NAALADL2: variants seen among roughly 807,000 people sequenced by gnomAD.
The protein encoded by NAALADL2 is inactive N-acetylated-alpha-linked acidic dipeptidase-like protein 2.
NAALADL2 carries 76 observed loss-of-function variants against 87.2 expected under a neutral mutation model. The ratio of observed to expected loss-of-function variants is 0.87; its 90% CI spans 0.72 to 1.05. The LOEUF is 1.05. NAALADL2 is among the 50% of genes least tolerant of loss of function. The pLI is 0.00. For synonymous variants in NAALADL2, 354 were observed against 331.0 expected, an observed-to-expected ratio of 1.07 and a Z score of -0.75; for missense variants, 1,089 against 945.8, an observed-to-expected ratio of 1.15 and a Z score of -1.99.
chr3:174,768,146 T>C (rs1400056784), intron 3 of NAALADL2, among the ~76,000 whole-genome samples: 2 of 152,234 alleles, frequency 1.3e-5, no homozygotes, highest in Non-Finnish European at 2.9e-5. Flanking sequence ...TATAACTTAT[T>C]TACTTTAGTG....
chr3:174,807,332 G>A (rs113257380), intron 3 of NAALADL2, among the ~76,000 whole-genome samples: 5 of 152,092 alleles, frequency 3.3e-5, no homozygotes, highest in Admixed American at 1.3e-4. Flanking sequence ...AACTCTATTG[G>A]GTAGGACTTA....
In NAALADL2 at chr3:175,798,314, G is replaced by GA. The variant is rs34232706; in HGVS notation, c.2190-4685dup. On this transcript the variant is annotated intron_variant, in intron 13 of 13. Transcript: ENST00000454872. ...AATGAAGGTTTTTTTAAATGATGAT[G>GA]AAAAAATCTCAGTCACTTATATTCT... Among the ~76,000 whole-genome samples, 19 of 152,012 alleles carry GA rather than the reference G, an allele frequency of 1.2e-4. No homozygotes were observed. The South Asian group carries it at 1.5e-3, about 12-fold the overall frequency.
At chr3:175,649,936 G>A (rs1186344338) in intron 11 of NAALADL2, among the ~76,000 whole-genome samples, 6 of 150,820 alleles carry the variant, frequency 4.0e-5, no homozygotes, top group Admixed American at 3.3e-4. Context: ...ATATACTATG[G>A]TACAATATGG....
At chr3:174,958,457 G>A (rs1251962441) in intron 1 of NAALADL2, among the ~76,000 whole-genome samples, 1 of 151,960 alleles carries the variant, frequency 6.6e-6, no homozygotes, top group African/African-American at 2.4e-5. Flanking sequence ...AGAGAGTCCA[G>A]TGTTTGTTAC....
intron 11 of NAALADL2, among the ~76,000 whole-genome samples, chr3:175,685,207 C>A (rs971324725): frequency 6.6e-6 from 1 of 152,116 alleles, no homozygotes; most frequent in African/African-American, 2.4e-5. Context: ...AGTTCATCAA[C>A]CCTTTAGGCT....
intron 9 of NAALADL2, among the ~76,000 whole-genome samples, chr3:175,513,534 A>G (rs1177040784): frequency 6.6e-6 from 1 of 152,236 alleles, no homozygotes; most frequent in African/African-American, 2.4e-5. Flanking sequence ...AGGCAATACT[A>G]TGGAGCGATC....
At chr3:174,638,162 C>A (rs1261843540) in intron 2 of NAALADL2, among the ~76,000 whole-genome samples, 1 of 151,954 alleles carries the variant, frequency 6.6e-6, no homozygotes, top group Non-Finnish European at 1.5e-5. Flanking sequence ...TTAAAATGCA[C>A]AATATGAGCT....
At chr3:174,934,376 C>G (rs756583560) in intron 1 of NAALADL2, among the ~76,000 whole-genome samples, 2 of 152,284 alleles carry the variant, frequency 1.3e-5, no homozygotes, top group African/African-American at 2.4e-5. Flanking sequence ...TCAGATCTCA[C>G]TTTTGGGAAA....
chr3:175,244,459 A>G (rs1747576335), intron 3 of NAALADL2, among the ~76,000 whole-genome samples: 1 of 152,056 alleles, frequency 6.6e-6, no homozygotes, highest in Non-Finnish European at 1.5e-5. Flanking sequence ...TCTTTTTGGT[A>G]AATGTTGAGC....
intron 2 of NAALADL2, among the ~76,000 whole-genome samples, chr3:175,128,931 T>TG (rs910807072): frequency 8.3e-4 from 126 of 151,616 alleles, no homozygotes; most frequent in African/African-American, 2.7e-3. Context: ...ACCAATTTTT[T>TG]TTTGTTTGTT....
intron 2 of NAALADL2, among the ~76,000 whole-genome samples, chr3:174,710,099 TAG>T (rs1478226672): frequency 6.6e-6 from 1 of 152,186 alleles, no homozygotes; most frequent in African/African-American, 2.4e-5. Context: ...TACTGTCTCC[TAG>T]TTAATTGGTT....
chr3:175,597,072 C>T, intron 10 of NAALADL2, among the ~76,000 whole-genome samples: 2 of 151,928 alleles, frequency 1.3e-5, no homozygotes, highest in Non-Finnish European at 2.9e-5. Context: ...TGCATAATGA[C>T]TTTTATTTCT....
chr3:175,674,493 T>C (rs1248896945), intron 11 of NAALADL2, among the ~76,000 whole-genome samples: 1 of 152,066 alleles, frequency 6.6e-6, no homozygotes, highest in African/African-American at 2.4e-5. Flanking sequence ...CTTGATCTCC[T>C]GACCTTGTGA....
intron 2 of NAALADL2, among the ~76,000 whole-genome samples, chr3:175,122,717 A>C (rs920670537): frequency 2.0e-5 from 3 of 151,754 alleles, no homozygotes; most frequent in Non-Finnish European, 4.4e-5. Context: ...GCCTCACTGC[A>C]CTCACATTTG....
intron 5 of NAALADL2, among the ~76,000 whole-genome samples, chr3:175,385,330 A>G (rs113399904): frequency 1.3e-5 from 2 of 152,246 alleles, no homozygotes; most frequent in African/African-American, 4.8e-5. Context: ...GGAAGCCTTC[A>G]ATAATAGATT....
At chr3:175,098,807 A>T (rs897038103) in intron 2 of NAALADL2, among the ~76,000 whole-genome samples, 1 of 152,166 alleles carries the variant, frequency 6.6e-6, no homozygotes, top group Non-Finnish European at 1.5e-5. Context: ...CTTTAACTTC[A>T]TTATGGACAT....
At chr3:175,182,592 C>G (rs1209651038) in intron 2 of NAALADL2, among the ~76,000 whole-genome samples, 2 of 48,376 alleles carry the variant, frequency 4.1e-5, no homozygotes, top group African/African-American at 1.2e-4. Context: ...GAGATGTGGT[C>G]TTGCTATGTT....
chr3:174,920,103 A>C (rs1734952425), intron 1 of NAALADL2, among the ~76,000 whole-genome samples: 1 of 152,176 alleles, frequency 6.6e-6, no homozygotes, highest in South Asian at 2.1e-4. Flanking sequence ...CTCAATTTGC[A>C]GTATTCATAA....
intron 2 of NAALADL2, among the ~76,000 whole-genome samples, chr3:175,150,603 C>T (rs561536857): frequency 6.6e-6 from 1 of 152,192 alleles, no homozygotes; most frequent in Non-Finnish European, 1.5e-5. Context: ...GTTCGAATAG[C>T]CTGCCTTAAT....
Sources: allele counts gnomAD v4.1 joint callset (sites outside exome capture counted in the v4.1 genomes callset), GRCh38; gene constraint gnomAD v4.1.1; transcripts MANE v1.5; gene names NCBI Gene and HGNC (gene_info 2026-07-23, HGNC 2026-07-21).